FUT8: variants seen among roughly 807,000 people sequenced by gnomAD.
FUT8 encodes alpha-(1,6)-fucosyltransferase.
Under a neutral mutation model 71.3 loss-of-function variants are expected in FUT8, and 29 were observed. That is an observed-to-expected ratio of 0.41 (90% CI 0.30 to 0.55). The LOEUF is 0.55. Among genes scored for constraint, FUT8 ranks in the 20% least tolerant of loss-of-function variants. The probability of loss-of-function intolerance (pLI) is 0.34; values close to 1 mark genes in which losing one functional copy is unlikely to be tolerated. For missense variants in FUT8, 544 were observed against 702.1 expected, an observed-to-expected ratio of 0.77 and a Z score of 2.55; for synonymous variants, 254 against 239.3, an observed-to-expected ratio of 1.06 and a Z score of -0.57.
chr14:65,618,010 CATATATATATATATATATATATATATAT>C lies in FUT8; in HGVS notation c.482+1654_482+1681del, dbSNP rs149450437. ...TTTCCAGTGTTTTTAAAAATTAATT[CATATATATATATATATATATATATATAT>C]ATATATATATATATATGTATGTATA... is the stretch of plus-strand genomic sequence containing the variant. On this transcript the variant is annotated intron_variant, in intron 5 of 10. Transcript: ENST00000673929. Among the ~76,000 whole-genome samples, 50 of 87,004 alleles carry C rather than the reference CATATATATATATATATATATATATATAT, an allele frequency of 5.7e-4. 1 individual carries two copies. The highest frequency in any genetic ancestry group is 1.6e-3 in the African/African-American group (40 of 25,700). 57.1% of individuals were successfully genotyped at this position (87,004 alleles called of 152,430 possible).
At chr14:65,462,805 A>G (rs1397833105) in intron 2 of FUT8, among the ~76,000 whole-genome samples, 10 of 152,236 alleles carry the variant, frequency 6.6e-5, no homozygotes, top group Admixed American at 6.5e-4. Flanking sequence ...CATATTGATG[A>G]TAAGTATAAA....
chr14:65,447,015 T>G (rs990142892), intron 1 of FUT8, among the ~76,000 whole-genome samples: 1 of 152,132 alleles, frequency 6.6e-6, no homozygotes, highest in African/African-American at 2.4e-5. Flanking sequence ...TGTCTGTCTC[T>G]TCTCTCTCTT....
the FUT8 span, among the ~76,000 whole-genome samples, chr14:65,377,800 A>G: frequency 2.6e-5 from 4 of 152,182 alleles, no homozygotes; most frequent in African/African-American, 4.8e-5. Flanking sequence ...ACATGACATC[A>G]GGAGAACCAG....
chr14:65,402,647 CAG>C, the FUT8 span, among the ~76,000 whole-genome samples: 11 of 145,074 alleles, frequency 7.6e-5, no homozygotes, highest in Non-Finnish European at 1.7e-4. Flanking sequence ...GCCTGGGTGA[CAG>C]AGTGAGACTC....
At chr14:65,539,770 G>C (rs982250883) in intron 2 of FUT8, among the ~76,000 whole-genome samples, 1 of 152,136 alleles carries the variant, frequency 6.6e-6, no homozygotes, top group Non-Finnish European at 1.5e-5. Context: ...AGCCAATTAT[G>C]TATAAAATGG....
At chr14:65,493,026 C>T (rs1347129210) in intron 2 of FUT8, among the ~76,000 whole-genome samples, 2 of 152,090 alleles carry the variant, frequency 1.3e-5, no homozygotes, top group African/African-American at 4.8e-5. Flanking sequence ...CCAATAGTTG[C>T]AGATAGGAGC....
At chr14:65,633,868 G>A (rs1334866550) in intron 6 of FUT8, among the ~76,000 whole-genome samples, 2 of 151,920 alleles carry the variant, frequency 1.3e-5, no homozygotes, top group African/African-American at 4.8e-5. Flanking sequence ...GCCCCCACTC[G>A]GCCAGCTGCC....
Position 65,610,483 on chromosome 14 carries a change from A to G in FUT8, c.204-5495A>G, listed in dbSNP as rs8022527. ...CGGCTCACCACAGCCTCTGTCTCCCAGGTTCAAGCAATTCTCCTGCCTCAG... is the reference window on the plus strand; with the variant it reads ...CGGCTCACCACAGCCTCTGTCTCCCGGGTTCAAGCAATTCTCCTGCCTCAG... On this transcript the variant is annotated intron_variant, in intron 3 of 10. Coordinates refer to ENST00000673929, the MANE Select transcript of FUT8 (RefSeq NM_001371533.1). Among the ~76,000 whole-genome samples, 1,282 of 150,302 alleles carry G rather than the reference A, an allele frequency of 8.5e-3. 24 individuals are homozygous for G. The highest frequency in any genetic ancestry group is 0.03 in the African/African-American group (1,227 of 40,814).
At chr14:65,697,625 C>T (rs972448206) in intron 7 of FUT8, among the ~76,000 whole-genome samples, 14 of 152,242 alleles carry the variant, frequency 9.2e-5, no homozygotes, top group African/African-American at 2.6e-4. Context: ...TGATAGTAAT[C>T]ATCACAAACA....
At chr14:65,691,115 G>A (rs1007475814) in intron 7 of FUT8, among the ~76,000 whole-genome samples, 1 of 151,048 alleles carries the variant, frequency 6.6e-6, no homozygotes, top group African/African-American at 2.5e-5. Flanking sequence ...TGGTTTTTTT[G>A]GGGGGTGGAG....
the FUT8 span, among the ~76,000 whole-genome samples, chr14:65,370,511 C>T: frequency 4.0e-5 from 6 of 151,200 alleles, no homozygotes; most frequent in South Asian, 1.0e-3. Context: ...CCCGGCCACA[C>T]GTAGTCTTTT....
intron 7 of FUT8, among the ~76,000 whole-genome samples, chr14:65,713,129 CT>C (rs1321644037): frequency 6.6e-6 from 1 of 152,182 alleles, no homozygotes; most frequent in East Asian, 1.9e-4. Context: ...TAATTTTTAG[CT>C]CCCACAAATA....
At chr14:65,600,126 C>T (rs1888220490) in intron 3 of FUT8, among the ~76,000 whole-genome samples, 1 of 152,010 alleles carries the variant, frequency 6.6e-6, no homozygotes, top group Non-Finnish European at 1.5e-5. Context: ...TCTAAATTCC[C>T]CACAACAATC....
chr14:65,476,509 A>T (rs1384218697), intron 2 of FUT8, among the ~76,000 whole-genome samples: 1 of 152,208 alleles, frequency 6.6e-6, no homozygotes, highest in Admixed American at 6.5e-5. Context: ...AGTACAACTG[A>T]AGTAGGTGTA....
intron 6 of FUT8, among the ~76,000 whole-genome samples, chr14:65,644,696 A>G (rs568861820): frequency 6.6e-5 from 10 of 152,290 alleles, no homozygotes; most frequent in Admixed American, 2.6e-4. Flanking sequence ...GCAATAGTGA[A>G]CCACTATTCC....
intron 7 of FUT8, among the ~76,000 whole-genome samples, chr14:65,705,558 A>G (rs1024297072): frequency 2.0e-5 from 3 of 152,212 alleles, no homozygotes; most frequent in African/African-American, 7.2e-5. Flanking sequence ...GTTCTCTAAG[A>G]ACCTAATCGG....
chr14:65,525,399 T>C (rs1883383894), intron 2 of FUT8, among the ~76,000 whole-genome samples: 1 of 152,160 alleles, frequency 6.6e-6, no homozygotes, highest in African/African-American at 2.4e-5. Context: ...TCTGTGGGAT[T>C]GGTGATGATA....
intron 2 of FUT8, among the ~76,000 whole-genome samples, chr14:65,494,486 C>G (rs3825640): frequency 0.35 from 53,706 of 152,112 alleles, 11,803 homozygotes; most frequent in Non-Finnish European, 0.49. Flanking sequence ...GGCTTATTCT[C>G]CCTCTGTATG....
chr14:65,529,238 T>C (rs778494491), intron 2 of FUT8: 1 of 152,590 alleles, frequency 6.6e-6, no homozygotes, highest in Non-Finnish European at 1.5e-5. Context: ...TTTTTCTTTT[T>C]CTTTTTTTTT....
Sources: allele counts gnomAD v4.1 joint callset (sites outside exome capture counted in the v4.1 genomes callset), GRCh38; gene constraint gnomAD v4.1.1; transcripts MANE v1.5; gene names NCBI Gene and HGNC (gene_info 2026-07-23, HGNC 2026-07-21).